The following SCUBE1 variants were observed in gnomAD, a reference collection of about 807,000 sequenced individuals.
SCUBE1 encodes signal peptide, CUB and EGF-like domain-containing protein 1.
Under a neutral mutation model 124.4 loss-of-function variants are expected in SCUBE1, and 59 were observed. The observed-to-expected ratio is 0.47, with a 90% CI of 0.38 to 0.59. The LOEUF (loss-of-function observed/expected upper bound fraction) is 0.59, where lower values mean the gene tolerates loss of function less well. SCUBE1 is among the 20% of genes least tolerant of loss of function. The pLI, the probability that SCUBE1 is intolerant of heterozygous loss-of-function variation, is 0.00. For synonymous variants in SCUBE1, 545 were observed against 550.9 expected, an observed-to-expected ratio of 0.99 and a Z score of 0.15; for missense variants, 1,150 against 1,371.2, an observed-to-expected ratio of 0.84 and a Z score of 2.55.
intron 4 of SCUBE1, 113 bp from the exon 5 acceptor site, chr22:43,262,958 T>C (rs1485456466): frequency 1.2e-5 from 14 of 1,179,996 alleles, no homozygotes; most frequent in African/African-American, 6.1e-5. Flanking sequence ...TGGGCTGTCA[T>C]TGCATGTATC....
At chr22:43,204,275 T>G (rs11703432) in intron 21 of SCUBE1, 126 bp from the exon 22 acceptor site, 63,711 of 744,556 alleles carry the variant, frequency 0.086, 3,479 homozygotes, top group Non-Finnish European at 0.11. Context: ...ACAGACCTTC[T>G]TTTGGTTTTA....
rs1382702779 is a variant in SCUBE1 at position 43,222,633 on chromosome 22, G to C, written c.1432+5C>G. 7 of 1,523,054 alleles carry C rather than the reference G, an allele frequency of 4.6e-6. No individual in the cohort carries two copies. Among genetic ancestry groups the C allele is most frequent in the Non-Finnish European group, 6.3e-6 (7 of 1,115,852 alleles). 94.3% of individuals were successfully genotyped at this position (1,523,054 alleles called of 1,614,324 possible). A position where few individuals can be genotyped will look rare whatever the true frequency, so the allele number is the denominator to read the frequency against. ...CATGCAGCATGGACAGGCCGGGGGGGTTACCTGAGCAGCTGGGCCCGAGGC... is the reference window on the plus strand; with the variant it reads ...CATGCAGCATGGACAGGCCGGGGGGCTTACCTGAGCAGCTGGGCCCGAGGC... On this transcript the variant is annotated splice_donor_5th_base_variant and intron_variant, in intron 12 of 21. Coordinates refer to ENST00000360835, the MANE Select transcript of SCUBE1 (RefSeq NM_173050.5).
At chr22:43,222,578 G>T in intron 12 of SCUBE1, 60 bp downstream of exon 12, 1 of 1,295,710 alleles carries the variant, frequency 7.7e-7, no homozygotes, top group Non-Finnish European at 1.1e-6. Flanking sequence ...CCGCCAGCAT[G>T]TTGCTGGATG....
chr22:43,272,236 G>A (rs1924321055), intron 4 of SCUBE1, among the ~76,000 whole-genome samples: 1 of 151,980 alleles, frequency 6.6e-6, no homozygotes, highest in African/African-American at 2.4e-5. Flanking sequence ...GTCCCAGCTG[G>A]GTGTGTGACC....
At chr22:43,295,355 G>A (rs1380107751) in intron 3 of SCUBE1, among the ~76,000 whole-genome samples, 3 of 152,196 alleles carry the variant, frequency 2.0e-5, no homozygotes, top group Non-Finnish European at 2.9e-5. Flanking sequence ...TCCTGTCCCC[G>A]CCCTGGGGTG....
At chr22:43,291,694 C>T (rs1280340790) in intron 3 of SCUBE1, among the ~76,000 whole-genome samples, 1 of 152,152 alleles carries the variant, frequency 6.6e-6, no homozygotes, top group Admixed American at 6.5e-5. Flanking sequence ...CACGGTGGTA[C>T]TCCCGAGAGC....
intron 4 of SCUBE1, among the ~76,000 whole-genome samples, chr22:43,287,198 T>C (rs887586045): frequency 1.3e-5 from 2 of 152,118 alleles, no homozygotes; most frequent in Non-Finnish European, 2.9e-5. Context: ...GATTCCAACA[T>C]CTCGGACTCC....
In SCUBE1 at chr22:43,202,192, A is replaced by G. The variant is rs998566184; in HGVS notation, c.*1805T>C. 5.9e-5 allele frequency: 9 copies of G among 152,216 alleles called. No homozygotes were observed. Among genetic ancestry groups the G allele is most frequent in the African/African-American group, 1.9e-4 (8 of 41,424 alleles). 9.4% of individuals were successfully genotyped at this position (152,216 alleles called of 1,614,324 possible). Reference sequence around the variant, plus strand: ...CTCCGGGCCCTCTTTTGGACTGTAGAATATGTGATCACGGCCTACCTCGTC... The same window carrying G: ...CTCCGGGCCCTCTTTTGGACTGTAGGATATGTGATCACGGCCTACCTCGTC... On this transcript the variant is annotated 3_prime_UTR_variant, in exon 22 of 22. Transcript: ENST00000360835.
chr22:43,290,869 G>A (rs1925330938), intron 4 of SCUBE1, among the ~76,000 whole-genome samples, 177 bp downstream of exon 4: 1 of 152,232 alleles, frequency 6.6e-6, no homozygotes, highest in South Asian at 2.1e-4. Context: ...TAGAGGGAAG[G>A]AACTGGAAGG....
intron 3 of SCUBE1, 29 bp downstream of exon 3, chr22:43,319,908 A>G (rs1157868909): frequency 1.2e-6 from 2 of 1,612,186 alleles, no homozygotes; most frequent in Non-Finnish European, 1.7e-6. Flanking sequence ...GGGTGTGCCC[A>G]GAGGGTAGGC....
At chr22:43,309,657 AAACAGAACTCAGACG>A (rs1223993013) in intron 3 of SCUBE1, among the ~76,000 whole-genome samples, 3 of 151,884 alleles carry the variant, frequency 2.0e-5, no homozygotes, top group Non-Finnish European at 2.9e-5. Context: ...TTATCATTTC[AAACAGAACTCAGACG>A]AACAGACACC....
rs1435958370 is a variant in SCUBE1 at position 43,343,204 on chromosome 22, C to G, written c.58G>C (p.Gly20Arg). Residue 20 changes from glycine (G) to arginine (R), a missense_variant, in exon 1 of 22, where the codon GGG becomes CGG. This residue lies in a region of SCUBE1 where 56 missense variants were observed against 48.1 expected (regional missense o/e 1.16). Transcript: ENST00000360835. ...AGCCCGCTGCCCCCGGCCAGCCGCC[C>G]GCGTGTGCCCAGGGCCAGCAGCACG... ...LCVLLALGTR[G>R]RLAGGSGLPG... The G allele has an allele frequency of 1.0e-5, 12 of 1,204,418 alleles. No homozygotes were observed. The highest frequency in any genetic ancestry group is 1.2e-5 in the Non-Finnish European group (12 of 965,696). 74.6% of individuals were successfully genotyped at this position (1,204,418 alleles called of 1,614,324 possible). A position where few individuals can be genotyped will look rare whatever the true frequency, so the allele number is the denominator to read the frequency against.
chr22:43,317,612 C>T (rs1249479657), intron 3 of SCUBE1, among the ~76,000 whole-genome samples: 1 of 152,236 alleles, frequency 6.6e-6, no homozygotes, highest in Non-Finnish European at 1.5e-5. Context: ...AGTTGCTGTG[C>T]CCTGGTTACC....
intron 4 of SCUBE1, among the ~76,000 whole-genome samples, chr22:43,276,240 T>C (rs1212764458): frequency 6.6e-6 from 1 of 152,114 alleles, no homozygotes; most frequent in Non-Finnish European, 1.5e-5. Flanking sequence ...GCTGGAGAAG[T>C]GGCCACTGCT....
At chr22:43,237,614 G>A (rs550117083) in intron 7 of SCUBE1, 4 of 152,344 alleles carry the variant, frequency 2.6e-5, no homozygotes, top group East Asian at 3.9e-4. Context: ...ATAAACAGGC[G>A]GAAGCACTGT....
rs932825819 is a variant in SCUBE1, at chr22:43,223,179, G to A, written c.1245C>T (p.Pro415=). Residue 415 remains proline, a synonymous_variant, in exon 11 of 22, where the codon CCC becomes CCT. Transcript: ENST00000360835. ...GKCLSRAKTS[P]RAQLSCSKAG... ...CCTTGCTGCAGGACAGCTGGGCCCG[G>A]GGGGAGGTCTTGGCGCGAGAAAGAC... The A allele has an allele frequency of 6.4e-7, 1 of 1,571,392 alleles. No individual in the cohort carries two copies. Among genetic ancestry groups the A allele is most frequent in the Admixed American group, 2.1e-5 (1 of 46,908 alleles).
In SCUBE1 at chr22:43,286,545, C is replaced by T. The variant is rs770584528; in HGVS notation, c.484+4501G>A. Reference sequence around the variant, plus strand: ...AGGCCCAGTGTCAGTGCTGGACCCTCGGAATAGCAACAGTTCACCAGGTGG... The same window carrying T: ...AGGCCCAGTGTCAGTGCTGGACCCTTGGAATAGCAACAGTTCACCAGGTGG... On this transcript the variant is annotated intron_variant, in intron 4 of 21. Coordinates refer to ENST00000360835, the MANE Select transcript of SCUBE1 (RefSeq NM_173050.5). Among the ~76,000 whole-genome samples the T allele has an allele frequency of 3.3e-5, 5 of 152,214 alleles. No homozygotes were observed. In the East Asian group the frequency reaches 5.8e-4, roughly 18 times the overall value.
chr22:43,312,139 A>G (rs1378191362), intron 3 of SCUBE1, among the ~76,000 whole-genome samples: 3 of 152,232 alleles, frequency 2.0e-5, no homozygotes, highest in Non-Finnish European at 4.4e-5. Flanking sequence ...AGGCATTTTG[A>G]CAAATCCATT....
In SCUBE1 at chr22:43,226,167, A is replaced by G. The variant is rs561011113; in HGVS notation, c.1207+1207T>C. Among the ~76,000 whole-genome samples, 5 of 152,296 alleles carry G rather than the reference A, an allele frequency of 3.3e-5. No individual in the cohort carries two copies. In the South Asian group the frequency reaches 6.2e-4, roughly 19 times the overall value. On this transcript the variant is annotated intron_variant, in intron 10 of 21. Transcript: ENST00000360835. ...CTCTAGCAGTAAATGGGACAGGCCA[A>G]GAAGACCTGTTTAACTGTGTAAAGC... is the stretch of plus-strand genomic sequence containing the variant.
Sources: gnomAD v4.1 joint callset for allele counts (sites outside exome capture counted in the v4.1 genomes callset) on GRCh38, gnomAD v4.1.1 for gene constraint, gnomAD v4.1.1 regional missense constraint, MANE v1.5 for transcripts, NCBI Gene and HGNC (gene_info 2026-07-23, HGNC 2026-07-21) for gene names.